The following GPC6 variants were observed in gnomAD, a reference collection of about 807,000 sequenced individuals.
GPC6 encodes the protein glypican 6.
Under a neutral mutation model 55.2 loss-of-function variants are expected in GPC6, and 14 were observed. The ratio of observed to expected loss-of-function variants is 0.25; its 90% confidence interval spans 0.17 to 0.40. The LOEUF (loss-of-function observed/expected upper bound fraction) is 0.40, where lower values mean the gene tolerates loss of function less well. Ranked by LOEUF, GPC6 falls within the 10% of genes least tolerant of loss-of-function variation. The pLI is 1.00. For missense variants in GPC6, 641 were observed against 708.5 expected (o/e 0.90, Z 1.08); for synonymous variants, 278 against 259.6 (o/e 1.07, Z -0.68).
At chr13:93,787,543 T>C (rs912155552) in intron 2 of GPC6, among the ~76,000 whole-genome samples, 1 of 152,256 alleles carries the variant, frequency 6.6e-6, no homozygotes, top group African/African-American at 2.4e-5. Context: ...CTGAATTATT[T>C]TTATGTTTAT....
At chr13:93,646,501 G>A (rs1880178783) in intron 2 of GPC6, among the ~76,000 whole-genome samples, 2 of 152,158 alleles carry the variant, frequency 1.3e-5, no homozygotes, top group South Asian at 4.2e-4. Context: ...AAAAGGCTAA[G>A]AGAAAAAGCT....
Position 93,354,349 on chromosome 13 carries a change from A to ATTTTTTTTTTTT in GPC6, c.160+126741_160+126752dup, listed in dbSNP as rs11454186. On this transcript the variant is annotated intron_variant, in intron 1 of 8. Coordinates refer to ENST00000377047, the MANE Select transcript of GPC6 (RefSeq NM_005708.5). ...CAATAAGAAGTGCTTCCGTTGGTAG[A>ATTTTTTTTTTTT]TTTTTTTTTTTTTTTTTTTGAGACA... Among the ~76,000 whole-genome samples, 25 of 115,794 alleles carry ATTTTTTTTTTTT rather than the reference A, an allele frequency of 2.2e-4. 2 individuals carry two copies. Among genetic ancestry groups the ATTTTTTTTTTTT allele is most frequent in the African/African-American group, 8.4e-4 (24 of 28,594 alleles). The allele number at this position is 115,794 out of a possible 152,430, so 76.0% of individuals were successfully genotyped here.
chr13:93,303,866 G>A (rs1008097613), intron 1 of GPC6, among the ~76,000 whole-genome samples: 2 of 142,772 alleles, frequency 1.4e-5, no homozygotes, highest in Admixed American at 1.5e-4. Flanking sequence ...GGGCAATGTA[G>A]ATACTATTTT....
intron 1 of GPC6, among the ~76,000 whole-genome samples, chr13:93,312,256 CATT>C (rs1173725869): frequency 6.6e-6 from 1 of 151,998 alleles, no homozygotes; most frequent in Non-Finnish European, 1.5e-5. Flanking sequence ...CAGATTTTCT[CATT>C]ATTCGTTTAT....
At chr13:94,139,629 A>G (rs1454556222) in intron 4 of GPC6, among the ~76,000 whole-genome samples, 2 of 152,162 alleles carry the variant, frequency 1.3e-5, no homozygotes, top group African/African-American at 4.8e-5. Flanking sequence ...CCTGTCTGCA[A>G]TTGCTCAGAC....
Position 93,545,572 on chromosome 13 carries a change from T to C in GPC6, c.319+151T>C, listed in dbSNP as rs1013050961. The stretch of plus-strand genomic sequence containing the variant: ...GTCTATTTTTAGAAAAAGCATGAGT[T>C]TTCTTGACAGTAATTTTTTTTTTTT... On this transcript the variant is annotated intron_variant, in intron 2 of 8. Transcript: ENST00000377047. 6 of 728,198 alleles carry C rather than the reference T, an allele frequency of 8.2e-6. No homozygotes were observed. The African/African-American group carries it at 1.1e-4, about 13-fold the overall frequency. 45.1% of individuals were successfully genotyped at this position (728,198 alleles called of 1,614,324 possible). A position where few individuals can be genotyped will look rare whatever the true frequency, so the allele number is the denominator to read the frequency against.
intron 1 of GPC6, among the ~76,000 whole-genome samples, chr13:93,272,267 G>T (rs1877556799): frequency 6.6e-6 from 1 of 151,860 alleles, no homozygotes; most frequent in Non-Finnish European, 1.5e-5. Flanking sequence ...TATGTAAGTT[G>T]TCTTTAGATG....
intron 3 of GPC6, among the ~76,000 whole-genome samples, chr13:93,876,387 C>T (rs993590836): frequency 6.6e-6 from 1 of 151,952 alleles, no homozygotes; most frequent in South Asian, 2.1e-4. Flanking sequence ...AATAATAAAG[C>T]TACAGATAAG....
intron 3 of GPC6, among the ~76,000 whole-genome samples, chr13:94,014,442 C>T (rs1316134344): frequency 7.2e-5 from 11 of 152,162 alleles, no homozygotes. Flanking sequence ...TCCGAAATCC[C>T]TTTACACTCA....
rs1423473560 is a variant in GPC6 at position 93,771,911 on chromosome 13, T to G, written c.320-58243T>G. ...TTAATAACAAAAGTTCAGAGTTCAT[T>G]GTACCTTGTTCTGCCTGCTGAAGAT... is the stretch of plus-strand genomic sequence containing the variant. On this transcript the variant is annotated intron_variant, in intron 2 of 8. Transcript: ENST00000377047. 3.9e-5 allele frequency among the ~76,000 whole-genome samples: 6 copies of G among 152,214 alleles called. No homozygotes were observed. In the East Asian group the frequency reaches 1.2e-3, roughly 29 times the overall value.
At position 94,348,081 on chromosome 13, in the gene GPC6, G is replaced by A. The variant is rs148658470; in HGVS notation, c.1153-34333G>A. ...AAAATATAGCCTGGAGTTAGACATC[G>A]TCCTAATTTCTAACTTCCCCTGCCC... On this transcript the variant is annotated intron_variant, in intron 6 of 8. Transcript: ENST00000377047. Among the ~76,000 whole-genome samples the A allele has an allele frequency of 6.1e-4, 93 of 152,278 alleles. 1 individual carries two copies. The highest frequency in any genetic ancestry group is 2.0e-3 in the African/African-American group (84 of 41,552).
intron 1 of GPC6, among the ~76,000 whole-genome samples, chr13:93,441,730 G>T (rs1224996684): frequency 6.6e-6 from 1 of 152,042 alleles, no homozygotes; most frequent in African/African-American, 2.4e-5. Flanking sequence ...GGCTTTTGTT[G>T]CCATTACTTT....
chr13:93,915,677 T>C (rs1877251941), intron 3 of GPC6, among the ~76,000 whole-genome samples: 1 of 152,204 alleles, frequency 6.6e-6, no homozygotes, highest in Non-Finnish European at 1.5e-5. Context: ...CTATTGCTCA[T>C]AATGTTTCTT....
At chr13:93,424,320 A>C (rs980232883) in intron 1 of GPC6, among the ~76,000 whole-genome samples, 14 of 152,088 alleles carry the variant, frequency 9.2e-5, no homozygotes, top group African/African-American at 2.9e-4. Context: ...AAGTTATTGG[A>C]TGTTGGTTGT....
At chr13:94,022,661 C>T (rs987091772) in intron 3 of GPC6, among the ~76,000 whole-genome samples, 1 of 151,964 alleles carries the variant, frequency 6.6e-6, no homozygotes, top group Non-Finnish European at 1.5e-5. Context: ...TTAGGAACCT[C>T]CATATTGTTT....
At chr13:93,854,398 A>G (rs1375249720) in intron 3 of GPC6, among the ~76,000 whole-genome samples, 1 of 151,682 alleles carries the variant, frequency 6.6e-6, no homozygotes, top group African/African-American at 2.4e-5. Context: ...ATTCTGCAAA[A>G]TGCTAGGGTA....
intron 4 of GPC6, among the ~76,000 whole-genome samples, chr13:94,243,639 C>G (rs1424825819): frequency 6.6e-6 from 1 of 152,062 alleles, no homozygotes; most frequent in Non-Finnish European, 1.5e-5. Flanking sequence ...TCTGTCCTCC[C>G]CCTTTTAAAA....
intron 4 of GPC6, among the ~76,000 whole-genome samples, chr13:94,268,082 A>G (rs954165864): frequency 6.6e-6 from 1 of 152,248 alleles, no homozygotes; most frequent in African/African-American, 2.4e-5. Flanking sequence ...ATGGAAAATA[A>G]TTACACAAGG....
intron 6 of GPC6, among the ~76,000 whole-genome samples, chr13:94,318,080 C>T (rs899458749): frequency 1.3e-5 from 2 of 152,160 alleles, no homozygotes; most frequent in Admixed American, 1.3e-4. Context: ...CTTCCAATAG[C>T]TCCTAATGGC....
Sources: gnomAD v4.1 joint callset for allele counts (sites outside exome capture counted in the v4.1 genomes callset) on GRCh38, gnomAD v4.1.1 for gene constraint, MANE v1.5 for transcripts, NCBI Gene and HGNC (gene_info 2026-07-23, HGNC 2026-07-21) for gene names.